MYOM1: variants seen among roughly 807,000 people sequenced by gnomAD.
MYOM1 encodes myomesin-1.
MYOM1 carries 164 observed loss-of-function variants against 205.3 expected under a neutral mutation model. The observed-to-expected ratio is 0.80, with a 90% confidence interval of 0.70 to 0.91. The LOEUF is 0.91. Among genes scored for constraint, MYOM1 ranks in the 40% least tolerant of loss-of-function variants. The pLI is 0.00. For synonymous variants in MYOM1, 772 were observed against 789.4 expected, an observed-to-expected ratio of 0.98 and a Z score of 0.37; for missense variants, 2,011 against 2,127.3, an observed-to-expected ratio of 0.95 and a Z score of 1.08.
chr18:3,149,817 G>A (rs1210194108), intron 12 of MYOM1, among the ~76,000 whole-genome samples: 1 of 152,170 alleles, frequency 6.6e-6, no homozygotes, highest in Non-Finnish European at 1.5e-5. Flanking sequence ...TTCTACTCTT[G>A]CATTAACCAG....
chr18:3,108,819 G>A (rs555197915), intron 22 of MYOM1, among the ~76,000 whole-genome samples: 4 of 152,138 alleles, frequency 2.6e-5, no homozygotes, highest in Non-Finnish European at 4.4e-5. Context: ...GATAATAGGC[G>A]TGAGGCACCG....
chr18:3,094,167 T>A lies in MYOM1; in HGVS notation c.3864+3A>T. ...TAAAAAGTCTAAACAGTGTAAAACC[T>A]ACCGGGCCTTCAAAAATTTCCTTCT... On this transcript the variant is annotated splice_donor_region_variant and intron_variant, in intron 26 of 37. Transcript: ENST00000356443. 1.2e-6 allele frequency: 2 copies of A among 1,613,864 alleles called. No homozygotes were observed. Among genetic ancestry groups the A allele is most frequent in the African/African-American group, 1.3e-5 (1 of 75,038 alleles).
the MYOM1 span, among the ~76,000 whole-genome samples, chr18:3,242,916 T>A: frequency 1.3e-5 from 2 of 152,236 alleles, no homozygotes; most frequent in African/African-American, 4.8e-5. Flanking sequence ...ATATTCTCTG[T>A]TCTTACATCT....
chr18:3,131,323 T>A, intron 17 of MYOM1, 52 bp downstream of exon 17: 1 of 1,601,936 alleles, frequency 6.2e-7, no homozygotes, highest in Non-Finnish European at 8.5e-7. Context: ...TCTTCCTTTC[T>A]AACATAGAAA....
intron 10 of MYOM1, among the ~76,000 whole-genome samples, chr18:3,162,398 A>G (rs953843950): frequency 6.6e-6 from 1 of 151,958 alleles, no homozygotes; most frequent in South Asian, 2.1e-4. Flanking sequence ...AGCCAATCCT[A>G]ACTTGTTTAC....
chr18:3,220,555 T>C (rs185690614), upstream of MYOM1, among the ~76,000 whole-genome samples: 1 of 152,336 alleles, frequency 6.6e-6, no homozygotes, highest in East Asian at 1.9e-4. Flanking sequence ...GTTTTATCTT[T>C]CCTAACTCAG....
chr18:3,072,700 G>GT (rs397948100), intron 36 of MYOM1, among the ~76,000 whole-genome samples: 2,902 of 149,788 alleles, frequency 0.019, 90 homozygotes, highest in African/African-American at 0.069. Flanking sequence ...GTGTGTGTGT[G>GT]GGGGGCGGTG....
chr18:3,199,972 C>T lies in MYOM1; in HGVS notation c.291-6014G>A, dbSNP rs572043877. On this transcript the variant is annotated intron_variant, in intron 2 of 37. Transcript: ENST00000356443. ...TCTGACCACCATTAATCTATGCAAA[C>T]ACAGTGTGATTCCTAGGAATTCCGG... Among the ~76,000 whole-genome samples the T allele has an allele frequency of 1.6e-4, 25 of 151,912 alleles. No individual in the cohort carries two copies. The South Asian group carries it at 5.0e-3, about 30-fold the overall frequency.
chr18:3,237,319 G>A, the MYOM1 span, among the ~76,000 whole-genome samples: 93 of 152,272 alleles, frequency 6.1e-4, no homozygotes, highest in African/African-American at 2.1e-3. Context: ...GGAAAGACAT[G>A]GCCGGGTGTG....
At chr18:3,147,827 T>C (rs1181737594) in intron 13 of MYOM1, among the ~76,000 whole-genome samples, 1 of 152,196 alleles carries the variant, frequency 6.6e-6, no homozygotes, top group Non-Finnish European at 1.5e-5. Flanking sequence ...ATTGAGGCCC[T>C]TACTTCTTGT....
chr18:3,127,305 A>ATATATATTTTTTTTTTTTTTTTTTTTTT (rs56880961), intron 18 of MYOM1, among the ~76,000 whole-genome samples: 1 of 47,580 alleles, frequency 2.1e-5, no homozygotes. Flanking sequence ...ATATATATAT[A>ATATATATTTTTTTTTTTTTTTTTTTTTT]TTTTTTTTTT....
intron 34 of MYOM1, among the ~76,000 whole-genome samples, chr18:3,077,919 G>C (rs929821212): frequency 1.9e-4 from 28 of 150,832 alleles, no homozygotes; most frequent in African/African-American, 6.7e-4. Context: ...GCCGTGAATG[G>C]GTGAGGTGAA....
chr18:3,137,643 G>C (rs141773518), intron 14 of MYOM1, among the ~76,000 whole-genome samples: 1 of 152,164 alleles, frequency 6.6e-6, no homozygotes, highest in East Asian at 1.9e-4. Flanking sequence ...AGAGTGGAAT[G>C]GTGGTTACCA....
At chr18:3,186,376 G>A (rs1194512440) in intron 5 of MYOM1, among the ~76,000 whole-genome samples, 1 of 152,134 alleles carries the variant, frequency 6.6e-6, no homozygotes, top group Admixed American at 6.5e-5. Flanking sequence ...AACCTAAGGT[G>A]CATTTACCAC....
chr18:3,234,843 TAGTC>T, the MYOM1 span, among the ~76,000 whole-genome samples: 13 of 152,182 alleles, frequency 8.5e-5, no homozygotes, highest in African/African-American at 2.2e-4. Flanking sequence ...TCCTGCTTGA[TAGTC>T]AGAGTACACT....
chr18:3,115,132 T>G (rs1405419039), intron 21 of MYOM1, among the ~76,000 whole-genome samples: 1 of 151,916 alleles, frequency 6.6e-6, no homozygotes, highest in African/African-American at 2.4e-5. Context: ...ACACTGTACT[T>G]TGGGGGTTTC....
intron 20 of MYOM1, among the ~76,000 whole-genome samples, chr18:3,117,353 G>A (rs569275518): frequency 2.0e-5 from 3 of 152,308 alleles, no homozygotes; most frequent in South Asian, 2.1e-4. Context: ...AAAAACAAAC[G>A]ATAGGTTATG....
rs145497897 is a variant in MYOM1 at position 3,209,176 on chromosome 18, T to C, written c.290+5758A>G. On this transcript the variant is annotated intron_variant, in intron 2 of 37. Transcript: ENST00000356443. The surrounding 1 kb of genome is among the most constrained non-coding windows in gnomAD (Gnocchi z 4.0). ...CAAGTGAATGGTTTTACTATCATCA[T>C]ACCACCTAAAGAGAGTCTCAGAAGA... Among the ~76,000 whole-genome samples, 2 of 152,326 alleles carry C rather than the reference T, an allele frequency of 1.3e-5. No homozygotes were observed. The highest frequency in any genetic ancestry group is 1.9e-4 in the East Asian group (1 of 5,186).
intron 23 of MYOM1, among the ~76,000 whole-genome samples, chr18:3,102,087 C>T (rs1397978126): frequency 1.0e-4 from 15 of 149,868 alleles, no homozygotes; most frequent in African/African-American, 1.7e-4. Context: ...CTGCAAGCTC[C>T]GCCTTCCGGG....
Sources: allele counts gnomAD v4.1 joint callset (sites outside exome capture counted in the v4.1 genomes callset), GRCh38; gene constraint gnomAD v4.1.1; non-coding constraint Gnocchi (gnomAD v3.1); transcripts MANE v1.5; gene names NCBI Gene and HGNC (gene_info 2026-07-23, HGNC 2026-07-21).